PDE12: variants seen among roughly 807,000 people sequenced by gnomAD.
PDE12 encodes the protein 2',5'-phosphodiesterase 12.
A neutral mutation model predicts 45.4 loss-of-function variants in PDE12; 26 were observed. The observed-to-expected ratio is 0.57, with a 90% CI of 0.42 to 0.79. The LOEUF (loss-of-function observed/expected upper bound fraction) is 0.79, where lower values mean the gene tolerates loss of function less well. Among genes scored for constraint, PDE12 ranks in the 30% least tolerant of loss-of-function variants. The pLI, the probability that PDE12 is intolerant of heterozygous loss-of-function variation, is 0.00. For missense variants in PDE12, 668 were observed against 790.0 expected, an observed-to-expected ratio of 0.85 and a Z score of 1.85; for synonymous variants, 283 against 323.9, an observed-to-expected ratio of 0.87 and a Z score of 1.36.
the PDE12 span, chr3:57,584,350 A>G: frequency 6.8e-7 from 1 of 1,469,938 alleles, no homozygotes; most frequent in Non-Finnish European, 9.5e-7. Context: ...TTTACAACAT[A>G]TCATGATATA....
chr3:57,654,419 C>CAG, the PDE12 span, among the ~76,000 whole-genome samples: 2 of 152,254 alleles, frequency 1.3e-5, no homozygotes, highest in East Asian at 3.9e-4. Flanking sequence ...AACATAGAAA[C>CAG]AGCTATAACT....
the PDE12 span, among the ~76,000 whole-genome samples, chr3:57,603,173 AAAAAG>A: frequency 6.6e-6 from 1 of 152,084 alleles, no homozygotes; most frequent in African/African-American, 2.4e-5. Flanking sequence ...TCTCAAAAAA[AAAAAG>A]GGGTTTCAAA....
At chr3:57,651,642 T>C in the PDE12 span, among the ~76,000 whole-genome samples, 10 of 151,936 alleles carry the variant, frequency 6.6e-5, no homozygotes, top group South Asian at 4.2e-4. Context: ...CTTTAAAAGG[T>C]TGAATATTGT....
chr3:57,560,851 G>A lies in PDE12; in HGVS notation c.*847G>A. ...TGACACATGGAAGGAGTAACATTAG[G>A]GTCTACCTCTACCTCAATTTAGTTA... On this transcript the variant is annotated 3_prime_UTR_variant, in exon 3 of 3. Transcript: ENST00000311180. The A allele has an allele frequency of 2.0e-6, 2 of 985,146 alleles. No individual in the cohort carries two copies. The highest frequency in any genetic ancestry group is 1.2e-6 in the Non-Finnish European group (1 of 829,438). 61.0% of individuals were successfully genotyped at this position (985,146 alleles called of 1,614,324 possible). A position where few individuals can be genotyped will look rare whatever the true frequency, so the allele number is the denominator to read the frequency against.
chr3:57,602,574 C>A, the PDE12 span, among the ~76,000 whole-genome samples: 1 of 152,048 alleles, frequency 6.6e-6, no homozygotes, highest in Non-Finnish European at 1.5e-5. Context: ...ATTGTCTCCT[C>A]TTTTTTTGTT....
chr3:57,633,411 A>T, the PDE12 span: 2 of 1,380,268 alleles, frequency 1.4e-6, no homozygotes, highest in Non-Finnish European at 2.0e-6. Flanking sequence ...AAAACAATGG[A>T]TAACTATCAG....
At chr3:57,568,970 TCA>T (rs942560159), downstream of PDE12, among the ~76,000 whole-genome samples, 1 of 152,172 alleles carries the variant, frequency 6.6e-6, no homozygotes, top group Non-Finnish European at 1.5e-5. Flanking sequence ...CAATTTCTCT[TCA>T]GTTTCTCTAC....
rs2069704464 is a variant in PDE12, at chr3:57,559,544, TG to T, written c.1388-17del. 6.3e-7 allele frequency: 1 copy of T among 1,579,102 alleles called. No individual in the cohort carries two copies. The highest frequency in any genetic ancestry group is 8.6e-7 in the Non-Finnish European group (1 of 1,164,990). On this transcript the variant is annotated splice_polypyrimidine_tract_variant and intron_variant, in intron 2 of 2. Coordinates refer to ENST00000311180, the MANE Select transcript of PDE12 (RefSeq NM_177966.7). ...CAACTTTAAAAAATACTTACATTAA[TG>T]TTTTTTATATTCATAGGTGGGTATA...
the PDE12 span, among the ~76,000 whole-genome samples, chr3:57,602,461 T>G: frequency 4.9e-3 from 747 of 152,310 alleles, 5 homozygotes; most frequent in African/African-American, 0.017. Context: ...GATTGGTATG[T>G]GAATTCTGAG....
At chr3:57,596,743 G>C in the PDE12 span, 1 of 297,156 alleles carries the variant, frequency 3.4e-6, no homozygotes, top group South Asian at 3.5e-5. Flanking sequence ...CCCAGAAAGG[G>C]CCTCGCCAAG....
chr3:57,630,413 T>C, the PDE12 span: 3 of 1,576,270 alleles, frequency 1.9e-6, no homozygotes, highest in South Asian at 3.6e-5. Context: ...AACACACAGT[T>C]TTCGAACCTC....
chr3:57,634,228 T>C, the PDE12 span, among the ~76,000 whole-genome samples: 1 of 151,098 alleles, frequency 6.6e-6, no homozygotes, highest in Non-Finnish European at 1.5e-5. Context: ...AGGCCAGGAG[T>C]TCGAGACCAG....
chr3:57,636,084 TTA>T, the PDE12 span, among the ~76,000 whole-genome samples: 1 of 152,170 alleles, frequency 6.6e-6, no homozygotes, highest in African/African-American at 2.4e-5. Flanking sequence ...AATTGACTGT[TTA>T]TGTTATTGCT....
At chr3:57,570,113 C>T (rs149013737), downstream of PDE12, among the ~76,000 whole-genome samples, 3 of 152,164 alleles carry the variant, frequency 2.0e-5, no homozygotes, top group East Asian at 5.8e-4. Flanking sequence ...GAGAATTCAT[C>T]CAGTTGGCTA....
intron 1 of PDE12, 143 bp from the exon 2 acceptor site, chr3:57,559,167 G>A (rs1489617538): frequency 1.6e-6 from 1 of 619,602 alleles, no homozygotes; most frequent in African/African-American, 1.8e-5. Context: ...CTTGCAGTGA[G>A]CCGAGATCGC....
the PDE12 span, among the ~76,000 whole-genome samples, chr3:57,624,832 T>C: frequency 6.6e-6 from 1 of 151,970 alleles, no homozygotes; most frequent in African/African-American, 2.4e-5. Flanking sequence ...GTAAAAATAA[T>C]TGGGAGATTT....
chr3:57,610,855 T>A, the PDE12 span, among the ~76,000 whole-genome samples: 2 of 152,152 alleles, frequency 1.3e-5, no homozygotes, highest in African/African-American at 4.8e-5. Context: ...AAGCTACCAA[T>A]GACTTTCTTC....
In PDE12 at chr3:57,557,247, AC is replaced by A; in HGVS notation, c.869del (p.Thr290MetfsTer76). The A allele has an allele frequency of 6.2e-7, 1 of 1,613,894 alleles. No individual in the cohort carries two copies. The highest frequency in any genetic ancestry group is 8.5e-7 in the Non-Finnish European group (1 of 1,179,996). ...DHRHLYTKKV[T>X]EDALIRTVSY... ...CCGGCATCTCTACACGAAGAAGGTG[AC>A]TGAGGACGCTCTCATCCGCACTGTC... On this transcript the variant is annotated frameshift_variant, in exon 1 of 3. Coordinates refer to ENST00000311180, the MANE Select transcript of PDE12 (RefSeq NM_177966.7). LOFTEE classifies it high-confidence loss of function.
At chr3:57,615,401 T>C in the PDE12 span, among the ~76,000 whole-genome samples, 1 of 152,180 alleles carries the variant, frequency 6.6e-6, no homozygotes. Flanking sequence ...TAAAAGCTTA[T>C]ATTAGAAAAG....
Sources: gnomAD v4.1 joint callset for allele counts (sites outside exome capture counted in the v4.1 genomes callset) on GRCh38, gnomAD v4.1.1 for gene constraint, MANE v1.5 for transcripts, NCBI Gene and HGNC (gene_info 2026-07-23, HGNC 2026-07-21) for gene names.